The following LTF variants were observed in gnomAD, a reference collection of about 807,000 sequenced individuals.
LTF encodes the protein epididymis luminal protein 110.
In LTF, 91 loss-of-function variants were observed where a neutral mutation model predicts 87.2. The observed-to-expected ratio is 1.04, with a 90% CI of 0.88 to 1.24. LTF has a LOEUF of 1.24. LTF is among the 50% of genes most tolerant of loss of function. LTF has a pLI of 0.00. For synonymous variants in LTF, 378 were observed against 356.1 expected (o/e 1.06, Z -0.69); for missense variants, 901 against 904.3 (o/e 1.00, Z 0.05).
chr3:46,447,435 G>A, intron 9 of LTF, 37 bp from the exon 10 acceptor site: 1 of 1,439,282 alleles, frequency 6.9e-7, no homozygotes, highest in South Asian at 1.1e-5. Flanking sequence ...ACCACAGTGA[G>A]GCTGCATCCC....
At chr3:46,461,445 A>G (rs1703078640) in intron 1 of LTF, among the ~76,000 whole-genome samples, 1 of 152,244 alleles carries the variant, frequency 6.6e-6, no homozygotes, top group Non-Finnish European at 1.5e-5. Context: ...ATTCAATGGA[A>G]TATTACTCAG....
chr3:46,439,216 G>T, intron 15 of LTF, 80 bp downstream of exon 15: 1 of 1,357,038 alleles, frequency 7.4e-7, no homozygotes, highest in Non-Finnish European at 1.0e-6. Flanking sequence ...CGAGTGGGCT[G>T]GTGCACCTAG....
chr3:46,450,451 C>G (rs1268510095), intron 7 of LTF, 44 bp downstream of exon 7: 2 of 1,564,278 alleles, frequency 1.3e-6, no homozygotes, highest in African/African-American at 1.4e-5. Context: ...TTGCTCCCTG[C>G]CCCCCATATC....
At position 46,463,538 on chromosome 3, in the gene LTF, G is replaced by A. The variant is rs561077159; in HGVS notation, c.43+1287C>T. ...CCTCAGGAAGGACAAGGGTTGCAATGGCACTTTGGGGTACAAGCCACCATC... is the reference window on the plus strand; with the variant it reads ...CCTCAGGAAGGACAAGGGTTGCAATAGCACTTTGGGGTACAAGCCACCATC... On this transcript the variant is annotated intron_variant, in intron 1 of 16. Transcript: ENST00000231751. The A allele has an allele frequency of 1.0e-5, 10 of 985,522 alleles. No individual in the cohort carries two copies. In the East Asian group the frequency reaches 1.0e-3, roughly 101 times the overall value. 61.0% of individuals were successfully genotyped at this position (985,522 alleles called of 1,614,324 possible).
upstream of LTF, chr3:46,465,186 A>G: frequency 2.3e-6 from 1 of 436,132 alleles, no homozygotes. Flanking sequence ...GCCCTGTCCC[A>G]GCTCTGGTCT....
intron 1 of LTF, among the ~76,000 whole-genome samples, chr3:46,462,346 C>T (rs934628489): frequency 2.0e-5 from 3 of 152,148 alleles, no homozygotes; most frequent in Non-Finnish European, 4.4e-5. Context: ...ATACGTGTCT[C>T]CATTAGTTGC....
chr3:46,451,120 C>T (rs972425988), intron 6 of LTF, among the ~76,000 whole-genome samples: 31 of 152,142 alleles, frequency 2.0e-4, no homozygotes, highest in African/African-American at 7.2e-4. Flanking sequence ...CACTTTCCAA[C>T]ACTGAGTATA....
intron 8 of LTF, 91 bp downstream of exon 8, chr3:46,449,763 G>A (rs1702752627): frequency 4.0e-5 from 55 of 1,373,922 alleles, no homozygotes; most frequent in Non-Finnish European, 5.4e-5. Context: ...CAGTGTCTGG[G>A]AAAAGGAGTG....
chr3:46,468,078 T>C (rs977233605), upstream of LTF, among the ~76,000 whole-genome samples: 2 of 152,216 alleles, frequency 1.3e-5, no homozygotes, highest in Non-Finnish European at 2.9e-5. Flanking sequence ...GTGCATGTTA[T>C]AGGCACTTGA....
chr3:46,444,790 T>C (rs1284317424), intron 12 of LTF, among the ~76,000 whole-genome samples: 1 of 152,014 alleles, frequency 6.6e-6, no homozygotes, highest in Non-Finnish European at 1.5e-5. Flanking sequence ...GTGTGGGGTG[T>C]GGTGGGGAGA....
Position 46,436,225 on chromosome 3 carries a change from G to A in LTF, c.2103C>T (p.Leu701=), listed in dbSNP as rs745443427. 4 of 1,614,108 alleles carry A rather than the reference G, an allele frequency of 2.5e-6. No individual in the cohort carries two copies. In the South Asian group the frequency reaches 4.4e-5, roughly 18 times the overall value. ...TNLKKCSTSP[L]LEACEFLRK The stretch of plus-strand genomic sequence containing the variant: ...TCCTGAGGAATTCACAGGCTTCCAG[G>A]AGGGCTGTGGGACACAACAGAGCAA... Residue 701 remains leucine (L), a synonymous_variant, in exon 17 of 17, where the codon CTC becomes CTT. Coordinates refer to ENST00000231751, the MANE Select transcript of LTF (RefSeq NM_002343.6).
intron 15 of LTF, 25 bp downstream of exon 15, chr3:46,439,271 G>C (rs1455474918): frequency 6.3e-7 from 1 of 1,580,798 alleles, no homozygotes; most frequent in East Asian, 2.2e-5. Flanking sequence ...AGCTAAGAAA[G>C]CACTAGAAGC....
chr3:46,439,473 G>C lies in LTF; in HGVS notation c.1731C>G (p.Asn577Lys). 6.2e-7 allele frequency: 1 copy of C among 1,604,598 alleles called. No homozygotes were observed. The highest frequency in any genetic ancestry group is 8.5e-7 in the Non-Finnish European group (1 of 1,174,872). The change falls in exon 15 of 17, where the codon AAC becomes AAG. Residue 577 changes from asparagine to lysine, a missense_variant. Coordinates refer to ENST00000231751, the MANE Select transcript of LTF (RefSeq NM_002343.6). Reference sequence around the variant, plus strand: ...TCAAATCCTTAGCCCATGCCTCATTGTTATTTCCTGGGGAGAAAAAGAAGG... The same window carrying C: ...TCAAATCCTTAGCCCATGCCTCATTCTTATTTCCTGGGGAGAAAAAGAAGG... ...VTVLQNTDGNNNEAWAKDLKL... is the reference protein window; with the variant it reads ...VTVLQNTDGNKNEAWAKDLKL...
chr3:46,471,356 C>T (rs1482360570), intron 1 of LTF, among the ~76,000 whole-genome samples: 1 of 152,198 alleles, frequency 6.6e-6, no homozygotes, highest in Non-Finnish European at 1.5e-5. Flanking sequence ...GCCTTAAACA[C>T]CTATGTCTAT....
rs1179613670 is a variant in LTF at position 46,482,609 on chromosome 3, GAAGAAAGAAAGA to G, written c.-320+2365_-320+2376del. On this transcript the variant is annotated intron_variant, in intron 1 of 19. Coordinates refer to the LTF transcript ENST00000443496. Reference sequence around the variant, plus strand: ...GGAGAAAGAGAGAGAAAGAAAGAAAGAAGAAAGAAAGAAAGAAAGAAAGAAAGAAAGAAAGAA... The same window carrying G: ...GGAGAAAGAGAGAGAAAGAAAGAAAGAAGAAAGAAAGAAAGAAAGAAAGAA... Among the ~76,000 whole-genome samples, 405 of 56,950 alleles carry G rather than the reference GAAGAAAGAAAGA, an allele frequency of 7.1e-3. 15 individuals are homozygous for G. The highest frequency in any genetic ancestry group is 8.5e-3 in the African/African-American group (112 of 13,124). The allele number at this position is 56,950 out of a possible 152,430, so 37.4% of individuals were successfully genotyped here. A position where few individuals can be genotyped will look rare whatever the true frequency, so the allele number is the denominator to read the frequency against.
intron 1 of LTF, among the ~76,000 whole-genome samples, chr3:46,477,958 G>A (rs768402543): frequency 1.3e-5 from 2 of 152,146 alleles, no homozygotes; most frequent in African/African-American, 2.4e-5. Context: ...ACAGAGGGCC[G>A]AGCGGGAGCC....
At chr3:46,438,683 T>TA (rs1702445467) in intron 15 of LTF, among the ~76,000 whole-genome samples, 1 of 152,158 alleles carries the variant, frequency 6.6e-6, no homozygotes, top group African/African-American at 2.4e-5. Context: ...GTGTGCACAT[T>TA]AAGAGCTCCA....
chr3:46,449,045 G>T, intron 8 of LTF, 28 bp from the exon 9 acceptor site: 7 of 1,586,126 alleles, frequency 4.4e-6, no homozygotes, highest in Non-Finnish European at 5.1e-6. Context: ...GCAGGTGGCT[G>T]GGCAACCTGA....
At position 46,479,254 on chromosome 3, in the gene LTF, T is replaced by A. The variant is rs575908442; in HGVS notation, c.-320+5732A>T. 3.2e-4 allele frequency among the ~76,000 whole-genome samples: 49 copies of A among 152,230 alleles called. 2 individuals carry two copies. The highest frequency in any genetic ancestry group is 5.8e-4 in the African/African-American group (24 of 41,554). Reference sequence around the variant, plus strand: ...AGGCAGGGAAAACCCCATAGCCCCCTCTCTCCCACCCTGGCATCTTCCAGC... The same window carrying A: ...AGGCAGGGAAAACCCCATAGCCCCCACTCTCCCACCCTGGCATCTTCCAGC... On this transcript the variant is annotated intron_variant, in intron 1 of 19. Transcript: ENST00000443496.
Sources: allele counts gnomAD v4.1 joint callset (sites outside exome capture counted in the v4.1 genomes callset), GRCh38; gene constraint gnomAD v4.1.1; transcripts MANE v1.5; gene names NCBI Gene and HGNC (gene_info 2026-07-23, HGNC 2026-07-21).